The following SAMD3 variants were observed in gnomAD, a reference collection of about 807,000 sequenced individuals.
SAMD3 encodes the protein sterile alpha motif domain containing 3.
Under a neutral mutation model 58.5 loss-of-function variants are expected in SAMD3, and 63 were observed. The observed-to-expected ratio is 1.08, with a 90% CI of 0.88 to 1.33. SAMD3 has a LOEUF of 1.33. SAMD3 is among the 40% of genes most tolerant of loss of function. The probability of loss-of-function intolerance (pLI) is 0.00; values close to 1 mark genes in which losing one functional copy is unlikely to be tolerated. For missense variants in SAMD3, 604 were observed against 608.4 expected, an observed-to-expected ratio of 0.99 and a Z score of 0.08; for synonymous variants, 220 against 210.3, an observed-to-expected ratio of 1.05 and a Z score of -0.40.
intron 1 of SAMD3, among the ~76,000 whole-genome samples, chr6:130,360,631 T>C (rs1182873538): frequency 2.6e-5 from 4 of 152,116 alleles, no homozygotes. Context: ...GCTAATGAAG[T>C]TTCGGGCACC....
intron 2 of SAMD3, among the ~76,000 whole-genome samples, chr6:130,268,989 CT>C (rs1168470951): frequency 1.3e-5 from 2 of 151,806 alleles, no homozygotes; most frequent in Admixed American, 6.6e-5. Context: ...ATTTTTTTCC[CT>C]TTTATGGATT....
At chr6:130,183,244 A>C (rs1217490051) in intron 7 of SAMD3, 1 of 405,666 alleles carries the variant, frequency 2.5e-6, no homozygotes, top group Non-Finnish European at 4.7e-6. Flanking sequence ...CTGCTGCCCC[A>C]GAGAATTGCT....
intron 4 of SAMD3, 57 bp from the exon 5 acceptor site, chr6:130,209,665 C>T: frequency 1.8e-6 from 2 of 1,133,908 alleles, no homozygotes; most frequent in African/African-American, 1.5e-5. Context: ...CCATTGATCT[C>T]ACAGCAGCTC....
chr6:130,350,293 C>T (rs529888663), intron 1 of SAMD3, among the ~76,000 whole-genome samples: 2 of 152,148 alleles, frequency 1.3e-5, no homozygotes, highest in African/African-American at 4.8e-5. Context: ...TCCCTGTTTG[C>T]AGATGACATG....
chr6:130,303,589 T>C (rs1458245029), intron 2 of SAMD3, among the ~76,000 whole-genome samples: 1 of 152,214 alleles, frequency 6.6e-6, no homozygotes, highest in Non-Finnish European at 1.5e-5. Context: ...TCAAATTTTT[T>C]CCTTTTCTTT....
chr6:130,320,025 C>A (rs1335983185), intron 1 of SAMD3, among the ~76,000 whole-genome samples: 1 of 151,640 alleles, frequency 6.6e-6, no homozygotes, highest in East Asian at 1.9e-4. Context: ...CGTCCCCCAA[C>A]ACATTAAAAA....
intron 2 of SAMD3, among the ~76,000 whole-genome samples, chr6:130,285,030 T>C (rs937536094): frequency 6.6e-6 from 1 of 152,182 alleles, no homozygotes; most frequent in Non-Finnish European, 1.5e-5. Flanking sequence ...AGGAAGTAGA[T>C]AGCTAAACTG....
intron 9 of SAMD3, among the ~76,000 whole-genome samples, chr6:130,147,968 G>C (rs893082232): frequency 6.6e-6 from 1 of 152,200 alleles, no homozygotes; most frequent in Admixed American, 6.5e-5. Context: ...ACTGGTCCCA[G>C]TATTGGAGAT....
chr6:130,331,641 C>T (rs926571585), intron 1 of SAMD3, among the ~76,000 whole-genome samples: 1 of 152,148 alleles, frequency 6.6e-6, no homozygotes, highest in South Asian at 2.1e-4. Flanking sequence ...GTCGCTTGAA[C>T]CCGGGAGGCC....
At position 130,184,005 on chromosome 6, in the gene SAMD3, C is replaced by T. The variant is rs1449945672; in HGVS notation, c.654+98G>A. ...GAATGAGAGAGAGAGAGAGAGACAC[C>T]AAGAAAAGATGGGTGAAGCATAAAA... On this transcript the variant is annotated intron_variant, in intron 7 of 11. Coordinates refer to ENST00000439090, the MANE Select transcript of SAMD3 (RefSeq NM_001017373.4). 4 of 876,872 alleles carry T rather than the reference C, an allele frequency of 4.6e-6. No homozygotes were observed. The East Asian group carries it at 7.7e-5, about 17-fold the overall frequency. The allele number at this position is 876,872 out of a possible 1,614,324, so 54.3% of individuals were successfully genotyped here.
chr6:130,162,515 A>T (rs965550126), intron 8 of SAMD3, among the ~76,000 whole-genome samples: 1 of 152,104 alleles, frequency 6.6e-6, no homozygotes, highest in African/African-American at 2.4e-5. Flanking sequence ...CTTTAAAAAA[A>T]TTTTTTTAAG....
At chr6:130,214,948 AT>A (rs1409782151) in intron 3 of SAMD3, among the ~76,000 whole-genome samples, 1 of 152,222 alleles carries the variant, frequency 6.6e-6, no homozygotes, top group African/African-American at 2.4e-5. Flanking sequence ...TCAAATATGT[AT>A]TTTAAGTGAC....
intron 2 of SAMD3, among the ~76,000 whole-genome samples, chr6:130,272,160 T>A (rs994726771): frequency 1.3e-5 from 2 of 152,206 alleles, no homozygotes; most frequent in Non-Finnish European, 2.9e-5. Context: ...GTTATTTTTG[T>A]GAAAAGAGTA....
At chr6:130,195,087 A>T (rs572516986) in intron 5 of SAMD3, among the ~76,000 whole-genome samples, 2 of 152,174 alleles carry the variant, frequency 1.3e-5, no homozygotes, top group South Asian at 2.1e-4. Context: ...CCACCTGCCC[A>T]GTTCCCTTAT....
At chr6:130,227,734 G>C (rs570941804), upstream of SAMD3, among the ~76,000 whole-genome samples, 6 of 150,586 alleles carry the variant, frequency 4.0e-5, no homozygotes, top group East Asian at 1.2e-3. Context: ...GTTGCAGTGA[G>C]CCAAGATTGT....
intron 1 of SAMD3, 34 bp downstream of exon 1, chr6:130,222,660 G>A (rs1796269227): frequency 6.6e-6 from 1 of 152,176 alleles, no homozygotes; most frequent in Non-Finnish European, 1.5e-5. Flanking sequence ...AAAAGTTAGA[G>A]TTTTATAGAG....
chr6:130,259,716 AT>A (rs1774052670), intron 2 of SAMD3, among the ~76,000 whole-genome samples: 1 of 152,144 alleles, frequency 6.6e-6, no homozygotes, highest in Non-Finnish European at 1.5e-5. Context: ...AAAACTTTTT[AT>A]TTTGAGATAA....
intron 2 of SAMD3, among the ~76,000 whole-genome samples, chr6:130,300,905 T>C (rs1055144426): frequency 1.3e-5 from 2 of 152,140 alleles, no homozygotes; most frequent in Non-Finnish European, 2.9e-5. Context: ...TGTCCCATGT[T>C]GGTTTGCTGC....
At chr6:130,330,667 G>C (rs528690645) in intron 1 of SAMD3, among the ~76,000 whole-genome samples, 43 of 152,306 alleles carry the variant, frequency 2.8e-4, no homozygotes, top group African/African-American at 9.4e-4. Context: ...AAGAAGCCAG[G>C]AATTTGTAGC....
Sources: allele counts gnomAD v4.1 joint callset (sites outside exome capture counted in the v4.1 genomes callset), GRCh38; gene constraint gnomAD v4.1.1; transcripts MANE v1.5; gene names NCBI Gene and HGNC (gene_info 2026-07-23, HGNC 2026-07-21).